Variants in GNAQ observed in about 807,000 individuals in gnomAD.
GNAQ encodes G protein subunit alpha q, also known as guanine nucleotide-binding protein G(q) subunit alpha.
A neutral mutation model predicts 43.9 loss-of-function variants in GNAQ; 8 were observed. That is an observed-to-expected ratio of 0.18 (90% CI 0.11 to 0.33). The LOEUF (loss-of-function observed/expected upper bound fraction) is 0.33, where lower values mean the gene tolerates loss of function less well. GNAQ is among the 10% of genes least tolerant of loss of function. The pLI is 1.00. For synonymous variants in GNAQ, 155 were observed against 170.7 expected, an observed-to-expected ratio of 0.91 and a Z score of 0.71; for missense variants, 158 against 450.8, an observed-to-expected ratio of 0.35 and a Z score of 5.88.
At chr9:77,815,848 CA>C (rs1827004705) in intron 2 of GNAQ, 78 bp from the exon 3 acceptor site, 1 of 867,256 alleles carries the variant, frequency 1.2e-6, no homozygotes, top group African/African-American at 1.7e-5. Context: ...ACATTATATA[CA>C]ATTCAGGTAA....
chr9:77,891,195 A>G (rs1202765394), intron 2 of GNAQ, among the ~76,000 whole-genome samples: 1 of 152,162 alleles, frequency 6.6e-6, no homozygotes, highest in Non-Finnish European at 1.5e-5. Context: ...TGCCATTTAT[A>G]TATCCTCATA....
At chr9:77,955,051 C>A (rs554281338) in intron 1 of GNAQ, among the ~76,000 whole-genome samples, 1 of 152,204 alleles carries the variant, frequency 6.6e-6, no homozygotes, top group Non-Finnish European at 1.5e-5. Context: ...TTAAGATACA[C>A]GTATGACACA....
intron 5 of GNAQ, among the ~76,000 whole-genome samples, chr9:77,768,841 A>G (rs553875257): frequency 6.6e-6 from 1 of 152,200 alleles, no homozygotes; most frequent in East Asian, 1.9e-4. Context: ...TTGGCATCAT[A>G]AAGATTTCTC....
chr9:77,951,762 A>G (rs1411992716), intron 1 of GNAQ, among the ~76,000 whole-genome samples: 1 of 152,166 alleles, frequency 6.6e-6, no homozygotes, highest in East Asian at 1.9e-4. Flanking sequence ...ATTTGTGGGA[A>G]GGTGGTGAAG....
intron 1 of GNAQ, among the ~76,000 whole-genome samples, chr9:77,924,651 T>C (rs1300482458): frequency 6.6e-6 from 1 of 152,142 alleles, no homozygotes; most frequent in African/African-American, 2.4e-5. Flanking sequence ...ATTTGGCACT[T>C]CTTTGGATCT....
At chr9:77,819,359 A>C (rs1289589533) in intron 2 of GNAQ, among the ~76,000 whole-genome samples, 1 of 152,184 alleles carries the variant, frequency 6.6e-6, no homozygotes, top group African/African-American at 2.4e-5. Context: ...TGCTTCTGCA[A>C]AGGGAAGGAG....
chr9:77,990,915 C>A (rs1388135930), intron 1 of GNAQ, among the ~76,000 whole-genome samples: 2 of 152,160 alleles, frequency 1.3e-5, no homozygotes, highest in African/African-American at 4.8e-5. Context: ...TCTGTGTTGA[C>A]CTTATTTATA....
chr9:77,774,830 C>A (rs1826283172), intron 5 of GNAQ, among the ~76,000 whole-genome samples: 1 of 152,014 alleles, frequency 6.6e-6, no homozygotes, highest in Non-Finnish European at 1.5e-5. Context: ...ATCATTATTT[C>A]TTTAATCCAT....
chr9:77,786,854 C>T (rs565055214), intron 5 of GNAQ, among the ~76,000 whole-genome samples: 1 of 152,192 alleles, frequency 6.6e-6, no homozygotes, highest in South Asian at 2.1e-4. Context: ...ATATGTACAC[C>T]TATGTGCAAC....
rs72736600 is a variant in GNAQ at position 77,918,500 on chromosome 9, T to C, written c.321+3661A>G. On this transcript the variant is annotated intron_variant, in intron 2 of 6. Coordinates refer to ENST00000286548, the MANE Select transcript of GNAQ (RefSeq NM_002072.5). The stretch of plus-strand genomic sequence containing the variant: ...TATAAAGTATATACCTTTGTAACCA[T>C]AGAAAACTCTAACCAAAACATAAAA... Among the ~76,000 whole-genome samples, 697 of 152,236 alleles carry C rather than the reference T, an allele frequency of 4.6e-3. 1 individual carries two copies. Among genetic ancestry groups the C allele is most frequent in the Non-Finnish European group, 8.0e-3 (546 of 68,000 alleles).
intron 1 of GNAQ, among the ~76,000 whole-genome samples, chr9:78,017,500 T>C (rs571309445): frequency 1.1e-4 from 17 of 152,346 alleles, no homozygotes; most frequent in African/African-American, 1.7e-4. Flanking sequence ...CTGAAACTTG[T>C]ATGTACATTT....
In GNAQ at chr9:78,011,385, T is replaced by C. The variant is rs544836670; in HGVS notation, c.136+19715A>G. 2.0e-5 allele frequency among the ~76,000 whole-genome samples: 3 copies of C among 152,092 alleles called. No individual in the cohort carries two copies. In the South Asian group the frequency reaches 6.2e-4, roughly 32 times the overall value. On this transcript the variant is annotated intron_variant, in intron 1 of 6. Transcript: ENST00000286548. ...GACAAATACAAGGGCCAGACAAAATTTGGAACATTCCTAAGCACAAATGAA... is the reference window on the plus strand; with the variant it reads ...GACAAATACAAGGGCCAGACAAAATCTGGAACATTCCTAAGCACAAATGAA...
rs1425943239 is a variant in GNAQ at position 77,721,395 on chromosome 9, A to G, written c.1008T>C (p.Asn336=). The G allele has an allele frequency of 1.5e-5, 25 of 1,613,644 alleles. No individual in the cohort carries two copies. The highest frequency in any genetic ancestry group is 2.0e-5 in the Non-Finnish European group (24 of 1,179,872). ...SHFTCATDTE[N]IRFVFAAVKD... is the part of the protein sequence containing the mutation. The stretch of plus-strand genomic sequence containing the variant: ...TGACGGCAGCAAAGACAAAGCGGAT[A>G]TTCTCGGTGTCTGTGGCGCACGTGA... Residue 336 remains asparagine, a synonymous_variant, in exon 7 of 7, where the codon AAT becomes AAC. Coordinates refer to ENST00000286548, the MANE Select transcript of GNAQ (RefSeq NM_002072.5).
intron 3 of GNAQ, among the ~76,000 whole-genome samples, chr9:77,810,825 C>T (rs963148004): frequency 2.0e-5 from 3 of 152,076 alleles, no homozygotes; most frequent in South Asian, 4.1e-4. Context: ...AATGTGATGA[C>T]GGAAATAAAA....
intron 2 of GNAQ, among the ~76,000 whole-genome samples, chr9:77,859,030 C>T (rs1342252535): frequency 2.0e-5 from 3 of 152,106 alleles, no homozygotes; most frequent in Non-Finnish European, 4.4e-5. Flanking sequence ...TACTTCTTTG[C>T]CTAACACATC....
chr9:77,812,474 A>G (rs1221975632), intron 3 of GNAQ, among the ~76,000 whole-genome samples: 2 of 152,218 alleles, frequency 1.3e-5, no homozygotes, highest in Admixed American at 1.3e-4. Flanking sequence ...AATGAGATCC[A>G]GGAGCAAGCT....
chr9:78,005,712 T>C (rs1823697859), intron 1 of GNAQ, among the ~76,000 whole-genome samples: 1 of 152,148 alleles, frequency 6.6e-6, no homozygotes, highest in Non-Finnish European at 1.5e-5. Context: ...GCCAATACTC[T>C]AGCCCAGAGC....
chr9:77,948,040 C>T (rs1483702194), intron 1 of GNAQ, among the ~76,000 whole-genome samples: 6 of 152,256 alleles, frequency 3.9e-5, no homozygotes, highest in South Asian at 4.2e-4. Context: ...TAGAAGAATA[C>T]GTGGCACAAG....
intron 5 of GNAQ, among the ~76,000 whole-genome samples, chr9:77,740,908 C>T (rs190957874): frequency 6.6e-6 from 1 of 152,308 alleles, no homozygotes; most frequent in Admixed American, 6.5e-5. Context: ...TTGTTGGCCA[C>T]ACTGTCTGTC....
Sources: gnomAD v4.1 joint callset for allele counts (sites outside exome capture counted in the v4.1 genomes callset) on GRCh38, gnomAD v4.1.1 for gene constraint, MANE v1.5 for transcripts, NCBI Gene and HGNC (gene_info 2026-07-23, HGNC 2026-07-21) for gene names.